The following GCNT1 variants were observed in gnomAD, a reference collection of about 807,000 sequenced individuals.
The protein encoded by GCNT1 is glucosaminyl (N-acetyl) transferase 1.
A neutral mutation model predicts 26.2 loss-of-function variants in GCNT1; 16 were observed. The ratio of observed to expected loss-of-function variants is 0.61; its 90% CI spans 0.41 to 0.93. The LOEUF (loss-of-function observed/expected upper bound fraction) is 0.93. GCNT1 is among the 40% of genes least tolerant of loss of function. The probability of loss-of-function intolerance (pLI) is 0.00; values close to 1 mark genes in which losing one functional copy is unlikely to be tolerated. For synonymous variants in GCNT1, 183 were observed against 190.8 expected (o/e 0.96, Z 0.34); for missense variants, 477 against 526.7 (o/e 0.91, Z 0.92).
intron 2 of GCNT1, among the ~76,000 whole-genome samples, chr9:76,495,156 A>G (rs601944): frequency 0.056 from 8,496 of 152,272 alleles, 291 homozygotes; most frequent in Middle Eastern, 0.11. Context: ...TGATGGTCCA[A>G]GGTCACCAAG....
At chr9:76,402,621 C>T in the GCNT1 span, among the ~76,000 whole-genome samples, 1 of 152,006 alleles carries the variant, frequency 6.6e-6, no homozygotes, top group Non-Finnish European at 1.5e-5. Context: ...AAGTGATCTC[C>T]AGGTCTGTCT....
chr9:76,455,238 T>G (rs1462315602), upstream of GCNT1, among the ~76,000 whole-genome samples: 3 of 152,192 alleles, frequency 2.0e-5, no homozygotes, highest in Non-Finnish European at 4.4e-5. Context: ...AGGGGCTTAT[T>G]CCAAATTCCA....
At chr9:76,400,955 C>A in the GCNT1 span, among the ~76,000 whole-genome samples, 2 of 152,172 alleles carry the variant, frequency 1.3e-5, no homozygotes, top group Non-Finnish European at 1.5e-5. Context: ...GCTCTTACAC[C>A]AGTTTCCTGT....
rs746789076 is a variant in GCNT1, at chr9:76,503,602, C to T, written c.1221C>T (p.Asp407=). ...CCAATAAGTTTGACGTGGATGTTGA[C>T]CTCTTTGCCATCCAGTGTTTGGATG... is the stretch of plus-strand genomic sequence containing the variant. ...LFANKFDVDV[D]LFAIQCLDEH... Residue 407 remains aspartate, a synonymous_variant, in exon 4 of 4, where the codon GAC becomes GAT. Coordinates refer to ENST00000376730, the MANE Select transcript of GCNT1 (RefSeq NM_001490.5). The T allele has an allele frequency of 5.0e-6, 8 of 1,614,002 alleles. No individual in the cohort carries two copies. The highest frequency in any genetic ancestry group is 1.3e-5 in the African/African-American group (1 of 74,940).
rs1013513131 is a variant in GCNT1, at chr9:76,506,134, A to G, written c.*2466A>G. On this transcript the variant is annotated 3_prime_UTR_variant, in exon 4 of 4. Transcript: ENST00000376730. Reference sequence around the variant, plus strand: ...AAACGATGGTTTGAAAAGGAAACCTATGATACATGCAGGAGAAGCAAAACC... The same window carrying G: ...AAACGATGGTTTGAAAAGGAAACCTGTGATACATGCAGGAGAAGCAAAACC... The G allele has an allele frequency of 6.0e-6, 1 of 167,094 alleles. No individual in the cohort carries two copies. Among genetic ancestry groups the G allele is most frequent in the Non-Finnish European group, 1.5e-5 (1 of 68,132 alleles). 10.4% of individuals were successfully genotyped at this position (167,094 alleles called of 1,614,324 possible).
chr9:76,442,196 G>C (rs1823492595), exon 1 of GCNT1: 1 of 152,230 alleles, frequency 6.6e-6, no homozygotes, highest in Non-Finnish European at 1.5e-5. Context: ...GAGGCTTCGA[G>C]AAGCTAGAAA....
chr9:76,451,345 G>A (rs930205371), intron 1 of GCNT1, among the ~76,000 whole-genome samples: 9 of 152,068 alleles, frequency 5.9e-5, no homozygotes, highest in Non-Finnish European at 1.3e-4. Context: ...CTCTGGCAAA[G>A]ATCAACACTG....
At position 76,503,611 on chromosome 9, in the gene GCNT1, C is replaced by T. The variant is rs1277233343; in HGVS notation, c.1230C>T (p.Ala410=). The change falls in exon 4 of 4, where the codon GCC becomes GCT. Residue 410 remains alanine, a synonymous_variant. Transcript: ENST00000376730. ...NKFDVDVDLF[A]IQCLDEHLRH... The stretch of plus-strand genomic sequence containing the variant: ...TTGACGTGGATGTTGACCTCTTTGC[C>T]ATCCAGTGTTTGGATGAGCATTTGA... The T allele has an allele frequency of 1.2e-6, 2 of 1,613,964 alleles. No homozygotes were observed. Among genetic ancestry groups the T allele is most frequent in the African/African-American group, 2.7e-5 (2 of 74,932 alleles).
At chr9:76,400,283 G>A in the GCNT1 span, among the ~76,000 whole-genome samples, 1 of 152,030 alleles carries the variant, frequency 6.6e-6, no homozygotes, top group Non-Finnish European at 1.5e-5. Context: ...TTCTGACTTG[G>A]AGTCTGACAT....
chr9:76,412,279 T>C, the GCNT1 span, among the ~76,000 whole-genome samples: 1 of 152,234 alleles, frequency 6.6e-6, no homozygotes, highest in Non-Finnish European at 1.5e-5. Context: ...TTGCCATTAT[T>C]ATTTGAAACA....
intron 2 of GCNT1, among the ~76,000 whole-genome samples, chr9:76,475,214 T>C (rs1188914848): frequency 2.0e-5 from 3 of 152,240 alleles, no homozygotes; most frequent in African/African-American, 7.2e-5. Context: ...TACCAAAATA[T>C]AATTTAGATG....
chr9:76,486,846 T>G (rs988042045), intron 2 of GCNT1, among the ~76,000 whole-genome samples: 1 of 152,034 alleles, frequency 6.6e-6, no homozygotes, highest in African/African-American at 2.4e-5. Flanking sequence ...GAGGCAGAGG[T>G]GGGTGGATCA....
intron 2 of GCNT1, among the ~76,000 whole-genome samples, chr9:76,486,916 AAAAC>A (rs74278555): frequency 1.1e-3 from 163 of 150,956 alleles, no homozygotes; most frequent in South Asian, 0.01. Flanking sequence ...ATCTCTACTT[AAAAC>A]AAACAAACAA....
intron 2 of GCNT1, among the ~76,000 whole-genome samples, chr9:76,475,917 A>G (rs1479463775): frequency 6.6e-6 from 1 of 152,116 alleles, no homozygotes; most frequent in Non-Finnish European, 1.5e-5. Flanking sequence ...GTTTGACTTC[A>G]CACTTCTGTT....
At position 76,503,890 on chromosome 9, in the gene GCNT1, A is replaced by G; in HGVS notation, c.*222A>G. ...ATCTAGAGTTAATAGTGGGAGGAGTAAAGGTAGCCTTGAGGCCAGAGCAGG... is the reference window on the plus strand; with the variant it reads ...ATCTAGAGTTAATAGTGGGAGGAGTGAAGGTAGCCTTGAGGCCAGAGCAGG... On this transcript the variant is annotated 3_prime_UTR_variant, in exon 4 of 4. Coordinates refer to ENST00000376730, the MANE Select transcript of GCNT1 (RefSeq NM_001490.5). 1 of 556,708 alleles carries G rather than the reference A, an allele frequency of 1.8e-6. No individual in the cohort carries two copies. The highest frequency in any genetic ancestry group is 3.3e-6 in the Non-Finnish European group (1 of 301,290). The allele number at this position is 556,708 out of a possible 1,614,324, so 34.5% of individuals were successfully genotyped here. A position where few individuals can be genotyped will look rare whatever the true frequency, so the allele number is the denominator to read the frequency against.
At chr9:76,402,501 T>C in the GCNT1 span, among the ~76,000 whole-genome samples, 1 of 152,174 alleles carries the variant, frequency 6.6e-6, no homozygotes, top group Non-Finnish European at 1.5e-5. Flanking sequence ...AAAAGCAGAC[T>C]GAGAGCCTAC....
At chr9:76,424,969 T>G (rs1316570878) in intron 1 of GCNT1, among the ~76,000 whole-genome samples, 1 of 151,608 alleles carries the variant, frequency 6.6e-6, no homozygotes, top group African/African-American at 2.4e-5. Context: ...GAAACCCCGT[T>G]TCTACTAAAA....
intron 1 of GCNT1, among the ~76,000 whole-genome samples, chr9:76,451,626 A>T (rs1823665539): frequency 6.6e-6 from 1 of 152,222 alleles, no homozygotes. Context: ...AAGGCCAAAG[A>T]AATATTAATC....
intron 2 of GCNT1, among the ~76,000 whole-genome samples, chr9:76,473,112 C>A (rs542184032): frequency 4.2e-4 from 64 of 152,240 alleles, no homozygotes; most frequent in African/African-American, 1.4e-3. Flanking sequence ...CCACCCCTAG[C>A]CTGAAGACCT....
Sources: allele counts gnomAD v4.1 joint callset (sites outside exome capture counted in the v4.1 genomes callset), GRCh38; gene constraint gnomAD v4.1.1; transcripts MANE v1.5; gene names NCBI Gene and HGNC (gene_info 2026-07-23, HGNC 2026-07-21).